The following SDK1 variants were observed in gnomAD, a reference collection of about 807,000 sequenced individuals.
SDK1 encodes sidekick cell adhesion molecule 1.
In SDK1, 157 loss-of-function variants were observed where a neutral mutation model predicts 245.5. The observed-to-expected ratio is 0.64, with a 90% confidence interval of 0.56 to 0.73. The LOEUF (loss-of-function observed/expected upper bound fraction) is 0.73, where lower values mean the gene tolerates loss of function less well. Ranked by LOEUF, SDK1 falls within the 30% of genes least tolerant of loss-of-function variation. The pLI, the probability that SDK1 is intolerant of heterozygous loss-of-function variation, is 0.00. For synonymous variants in SDK1, 1,647 were observed against 1,278.5 expected, an observed-to-expected ratio of 1.29 and a Z score of -6.15; for missense variants, 3,583 against 3,002.3, an observed-to-expected ratio of 1.19 and a Z score of -4.52.
intron 35 of SDK1, among the ~76,000 whole-genome samples, chr7:4,192,943 C>G (rs1326364063): frequency 1.3e-5 from 2 of 149,706 alleles, no homozygotes; most frequent in East Asian, 3.9e-4. Flanking sequence ...CCTATAATAA[C>G]TCTTTAACAT....
intron 5 of SDK1, among the ~76,000 whole-genome samples, chr7:3,834,144 G>A (rs1779977804): frequency 6.6e-6 from 1 of 152,130 alleles, no homozygotes; most frequent in Non-Finnish European, 1.5e-5. Flanking sequence ...GATTTTCTTT[G>A]GCTTTTAGAG....
chr7:3,892,469 C>T lies in SDK1; in HGVS notation c.848-58454C>T, dbSNP rs928863216. On this transcript the variant is annotated intron_variant, in intron 5 of 44. Coordinates refer to ENST00000404826, the MANE Select transcript of SDK1 (RefSeq NM_152744.4). ...AAAGCCTCTGCTGGGACCTGGCAGC[C>T]GTCCCCTCCTCCCACAAGTCATATG... is the stretch of plus-strand genomic sequence containing the variant. Among the ~76,000 whole-genome samples, 11 of 152,150 alleles carry T rather than the reference C, an allele frequency of 7.2e-5. 1 individual carries two copies. The highest frequency in any genetic ancestry group is 4.1e-4 in the South Asian group (2 of 4,828).
chr7:4,015,579 A>G (rs1431285392), intron 16 of SDK1, among the ~76,000 whole-genome samples: 2 of 152,174 alleles, frequency 1.3e-5, no homozygotes, highest in Non-Finnish European at 2.9e-5. Flanking sequence ...CCATCATGCT[A>G]CGTCGGTGAT....
chr7:3,662,524 C>G (rs543080510), intron 4 of SDK1, among the ~76,000 whole-genome samples: 4 of 152,190 alleles, frequency 2.6e-5, no homozygotes, highest in South Asian at 2.1e-4. Flanking sequence ...CAGTGAGGAC[C>G]CAGGCTGTCT....
chr7:3,408,366 T>G (rs542096063), intron 1 of SDK1, among the ~76,000 whole-genome samples: 17 of 152,156 alleles, frequency 1.1e-4, no homozygotes, highest in Non-Finnish European at 2.1e-4. Flanking sequence ...TAATTTTGGC[T>G]CTAATAAATT....
chr7:3,318,686 C>A (rs930994749), intron 1 of SDK1, among the ~76,000 whole-genome samples: 1 of 152,146 alleles, frequency 6.6e-6, no homozygotes, highest in Non-Finnish European at 1.5e-5. Context: ...TTACATATTT[C>A]TTTTACTTTT....
At chr7:4,010,146 G>C (rs1448636634) in intron 14 of SDK1, among the ~76,000 whole-genome samples, 1 of 152,230 alleles carries the variant, frequency 6.6e-6, no homozygotes, top group Non-Finnish European at 1.5e-5. Flanking sequence ...CTAGTAACTT[G>C]AAAATTCAGT....
chr7:3,858,477 A>T (rs1273751229), intron 5 of SDK1, among the ~76,000 whole-genome samples: 1 of 152,174 alleles, frequency 6.6e-6, no homozygotes, highest in Non-Finnish European at 1.5e-5. Context: ...AGGAAAAAAA[A>T]ATCACAAGAA....
chr7:4,137,036 G>C (rs141268827), intron 28 of SDK1, among the ~76,000 whole-genome samples: 83 of 152,334 alleles, frequency 5.4e-4, no homozygotes, highest in Admixed American at 2.1e-3. Flanking sequence ...CCAGATGGTC[G>C]TGCTTTGGAG....
chr7:3,549,764 C>G (rs1366186162), intron 1 of SDK1, among the ~76,000 whole-genome samples: 1 of 152,124 alleles, frequency 6.6e-6, no homozygotes, highest in Non-Finnish European at 1.5e-5. Context: ...TAATGCACGT[C>G]AAGGCACTGT....
At chr7:4,151,643 G>A (rs550729863) in intron 30 of SDK1, among the ~76,000 whole-genome samples, 6 of 152,184 alleles carry the variant, frequency 3.9e-5, no homozygotes, top group East Asian at 1.9e-4. Flanking sequence ...CATCCTCGTC[G>A]CCATCATTAT....
chr7:3,738,320 T>A (rs1237691536), intron 4 of SDK1, among the ~76,000 whole-genome samples: 1 of 152,220 alleles, frequency 6.6e-6, no homozygotes, highest in Non-Finnish European at 1.5e-5. Flanking sequence ...ATCCATTGAA[T>A]GGTCTTGGCA....
chr7:4,113,381 C>G lies in SDK1; in HGVS notation c.3527C>G (p.Ala1176Gly). ...ACCCTGCAGGCCCCACCCGACGTGGCTCCAACCAGCGTCACGGTCCGTACT... is the reference window on the plus strand; with the variant it reads ...ACCCTGCAGGCCCCACCCGACGTGGGTCCAACCAGCGTCACGGTCCGTACT... The part of the protein sequence containing the change: ...IQTLQAPPDV[A>G]PTSVTVRTAS... Residue 1176 changes from alanine to glycine, a missense_variant, in exon 24 of 45, where the codon GCT becomes GGT. Physicochemically the swap from Ala to Gly is moderately conservative, Grantham distance 60. Coordinates refer to ENST00000404826, the MANE Select transcript of SDK1 (RefSeq NM_152744.4). 1 of 1,613,974 alleles carries G rather than the reference C, an allele frequency of 6.2e-7. No individual in the cohort carries two copies. Among genetic ancestry groups the G allele is most frequent in the Non-Finnish European group, 8.5e-7 (1 of 1,180,048 alleles).
At chr7:4,200,285 G>A (rs1465330348) in intron 35 of SDK1, among the ~76,000 whole-genome samples, 1 of 152,222 alleles carries the variant, frequency 6.6e-6, no homozygotes, top group African/African-American at 2.4e-5. Flanking sequence ...CGGTCTTGGA[G>A]ACTTCAAAAT....
At chr7:4,178,861 G>A (rs1455375159) in intron 35 of SDK1, among the ~76,000 whole-genome samples, 1 of 152,250 alleles carries the variant, frequency 6.6e-6, no homozygotes, top group Non-Finnish European at 1.5e-5. Context: ...CTGTGGCTTT[G>A]CTCTACGAAA....
chr7:3,719,793 A>G (rs1203266748), intron 4 of SDK1, among the ~76,000 whole-genome samples: 1 of 152,126 alleles, frequency 6.6e-6, no homozygotes, highest in African/African-American at 2.4e-5. Flanking sequence ...CCTGGCCAAC[A>G]TGGTGAAACC....
intron 1 of SDK1, among the ~76,000 whole-genome samples, chr7:3,380,872 G>A (rs1781469462): frequency 6.6e-6 from 1 of 152,106 alleles, no homozygotes; most frequent in Admixed American, 6.6e-5. Flanking sequence ...TTAGACTTCC[G>A]TTTATATTTC....
chr7:3,769,588 G>C (rs1160874511), intron 4 of SDK1, among the ~76,000 whole-genome samples: 6 of 152,026 alleles, frequency 3.9e-5, no homozygotes, highest in African/African-American at 1.4e-4. Context: ...TTTCGGAGGG[G>C]GCACATATTC....
rs533194369 is a variant in SDK1 at position 3,948,498 on chromosome 7, G to A, written c.848-2425G>A. ...AGGATGGTCTCGATCTCCTGACCTC[G>A]TGATCCACCCGTCTCGGCCTCCCAA... On this transcript the variant is annotated intron_variant, in intron 5 of 44. Coordinates refer to ENST00000404826, the MANE Select transcript of SDK1 (RefSeq NM_152744.4). Among the ~76,000 whole-genome samples the A allele has an allele frequency of 1.7e-4, 26 of 152,220 alleles. No homozygotes were observed. The East Asian group carries it at 3.5e-3, about 20-fold the overall frequency.
Sources: allele counts gnomAD v4.1 joint callset (sites outside exome capture counted in the v4.1 genomes callset), GRCh38; gene constraint gnomAD v4.1.1; transcripts MANE v1.5; gene names NCBI Gene and HGNC (gene_info 2026-07-23, HGNC 2026-07-21).